NEK10: variants seen among roughly 807,000 people sequenced by gnomAD.
NEK10 encodes NIMA related kinase 10.
In NEK10, 122 loss-of-function variants were observed where a neutral mutation model predicts 159.8. The observed-to-expected ratio is 0.76, with a 90% CI of 0.66 to 0.89. The LOEUF (loss-of-function observed/expected upper bound fraction) is 0.89, where lower values mean the gene tolerates loss of function less well. Ranked by LOEUF, NEK10 falls within the 40% of genes least tolerant of loss-of-function variation. The pLI, the probability that NEK10 is intolerant of heterozygous loss-of-function variation, is 0.00. For synonymous variants in NEK10, 466 were observed against 457.1 expected (o/e 1.02, Z -0.25); for missense variants, 1,342 against 1,323.1 (o/e 1.01, Z -0.22).
chr3:27,186,962 C>G (rs1948679635), intron 26 of NEK10, among the ~76,000 whole-genome samples: 1 of 152,090 alleles, frequency 6.6e-6, no homozygotes, highest in Non-Finnish European at 1.5e-5. Flanking sequence ...CATCACTGCA[C>G]TGAGGACCAC....
chr3:27,334,880 T>C (rs1216709734), intron 5 of NEK10, among the ~76,000 whole-genome samples: 1 of 152,102 alleles, frequency 6.6e-6, no homozygotes. Flanking sequence ...TATCCAACAA[T>C]AGATCCCAAT....
chr3:27,262,767 G>A (rs6783112), intron 22 of NEK10, among the ~76,000 whole-genome samples: 96,544 of 151,998 alleles, frequency 0.64, 33,028 homozygotes, highest in African/African-American at 0.91. Flanking sequence ...CTTCTTTGCC[G>A]TGGCTTCGAA....
intron 22 of NEK10, among the ~76,000 whole-genome samples, chr3:27,261,303 A>G (rs1175915298): frequency 6.6e-6 from 1 of 151,970 alleles, no homozygotes; most frequent in South Asian, 2.1e-4. Flanking sequence ...TAGTTCTTTT[A>G]ATTGTGATGT....
At chr3:27,115,901 A>G (rs373974928) in intron 35 of NEK10, 39 bp downstream of exon 35, 25 of 1,465,080 alleles carry the variant, frequency 1.7e-5, no homozygotes, top group African/African-American at 2.8e-5. Flanking sequence ...GATGACCTCA[A>G]TTCATCTTTC....
chr3:27,223,133 G>A (rs1952285054), intron 23 of NEK10, among the ~76,000 whole-genome samples: 2 of 152,180 alleles, frequency 1.3e-5, no homozygotes, highest in Admixed American at 1.3e-4. Flanking sequence ...AGCTCAACAT[G>A]TAGAAGAAGC....
chr3:27,288,762 G>A (rs1440737426), intron 19 of NEK10, among the ~76,000 whole-genome samples: 1 of 152,116 alleles, frequency 6.6e-6, no homozygotes, highest in African/African-American at 2.4e-5. Context: ...TATAATTTGA[G>A]TTTCTAGATA....
chr3:27,244,032 A>G (rs1413912557), intron 23 of NEK10, among the ~76,000 whole-genome samples: 2 of 152,100 alleles, frequency 1.3e-5, no homozygotes, highest in Non-Finnish European at 2.9e-5. Flanking sequence ...TATTCCCCCA[A>G]AAAAACCGCA....
chr3:27,252,240 A>C (rs1175282394), intron 23 of NEK10: 2 of 499,600 alleles, frequency 4.0e-6, no homozygotes, highest in African/African-American at 1.9e-5. Flanking sequence ...TGAAAAAATA[A>C]AGCAGTCTGA....
chr3:27,293,259 C>A (rs2043131156), intron 16 of NEK10, among the ~76,000 whole-genome samples: 1 of 152,184 alleles, frequency 6.6e-6, no homozygotes, highest in Non-Finnish European at 1.5e-5. Context: ...AAAAGAAGCT[C>A]ATATTTTAAT....
At chr3:27,265,998 G>T (rs763445135) in intron 22 of NEK10, among the ~76,000 whole-genome samples, 2 of 151,834 alleles carry the variant, frequency 1.3e-5, no homozygotes, top group Non-Finnish European at 2.9e-5. Context: ...TAGTAAAGAC[G>T]GGGTTTCACA....
intron 29 of NEK10, among the ~76,000 whole-genome samples, chr3:27,164,543 C>A (rs1451329581): frequency 2.6e-5 from 4 of 152,144 alleles, no homozygotes; most frequent in Non-Finnish European, 5.9e-5. Flanking sequence ...AAATTGAAAT[C>A]TTATTATTTT....
At chr3:27,235,411 A>G (rs1953798320) in intron 23 of NEK10, among the ~76,000 whole-genome samples, 1 of 152,160 alleles carries the variant, frequency 6.6e-6, no homozygotes, top group African/African-American at 2.4e-5. Context: ...GCTTAAACAA[A>G]TTTACAAAAC....
At chr3:27,347,004 A>C in intron 3 of NEK10, among the ~76,000 whole-genome samples, 1 of 152,228 alleles carries the variant, frequency 6.6e-6, no homozygotes, top group African/African-American at 2.4e-5. Flanking sequence ...AACACAATAA[A>C]GTTGGGCATG....
intron 1 of NEK10, among the ~76,000 whole-genome samples, chr3:27,361,174 C>T (rs1055714717): frequency 6.6e-6 from 1 of 152,188 alleles, no homozygotes; most frequent in African/African-American, 2.4e-5. Flanking sequence ...CTCATTCCAA[C>T]TTATATCTTT....
At chr3:27,154,331 C>T (rs773085020) in intron 30 of NEK10, among the ~76,000 whole-genome samples, 3 of 152,048 alleles carry the variant, frequency 2.0e-5, no homozygotes, top group Admixed American at 6.6e-5. Flanking sequence ...AAAAAAAGGT[C>T]CAGGACCAGA....
chr3:27,152,044 G>T (rs1944934241), intron 30 of NEK10, among the ~76,000 whole-genome samples: 1 of 152,158 alleles, frequency 6.6e-6, no homozygotes, highest in Admixed American at 6.5e-5. Flanking sequence ...AGGAAGAAGA[G>T]AATTCTAAAA....
chr3:27,216,209 C>A (rs1396572581), intron 23 of NEK10, among the ~76,000 whole-genome samples: 1 of 152,048 alleles, frequency 6.6e-6, no homozygotes, highest in Non-Finnish European at 1.5e-5. Context: ...AGAAAAGAAC[C>A]CCTGCCCAAG....
chr3:27,227,817 T>G (rs1432887838), intron 23 of NEK10, among the ~76,000 whole-genome samples: 1 of 152,230 alleles, frequency 6.6e-6, no homozygotes, highest in African/African-American at 2.4e-5. Flanking sequence ...TCCCTGTTGA[T>G]CTGAGAAGTG....
intron 23 of NEK10, among the ~76,000 whole-genome samples, chr3:27,221,056 A>C (rs1952056245): frequency 6.6e-6 from 1 of 152,214 alleles, no homozygotes; most frequent in East Asian, 1.9e-4. Context: ...AAGAATTAGA[A>C]CTATAAAACT....
Sources: gnomAD v4.1 joint callset for allele counts (sites outside exome capture counted in the v4.1 genomes callset) on GRCh38, gnomAD v4.1.1 for gene constraint, MANE v1.5 for transcripts, NCBI Gene and HGNC (gene_info 2026-07-23, HGNC 2026-07-21) for gene names.